Variants in COL13A1 observed in about 807,000 individuals in gnomAD.
The protein encoded by COL13A1 is collagen alpha-1(XIII) chain.
In COL13A1, 89 loss-of-function variants were observed where a neutral mutation model predicts 130.9. The observed-to-expected ratio is 0.68, with a 90% CI of 0.57 to 0.81. The LOEUF (loss-of-function observed/expected upper bound fraction) is 0.81. Among genes scored for constraint, COL13A1 ranks in the 30% least tolerant of loss-of-function variants. The probability of loss-of-function intolerance (pLI) is 0.00; values close to 1 mark genes in which losing one functional copy is unlikely to be tolerated. For missense variants in COL13A1, 879 were observed against 934.6 expected, an observed-to-expected ratio of 0.94 and a Z score of 0.78; for synonymous variants, 402 against 341.6, an observed-to-expected ratio of 1.18 and a Z score of -1.95.
At chr10:69,846,657 T>C (rs1327708520) in intron 2 of COL13A1, among the ~76,000 whole-genome samples, 1 of 152,202 alleles carries the variant, frequency 6.6e-6, no homozygotes, top group Non-Finnish European at 1.5e-5. Context: ...CCTAAATTTG[T>C]TAGCACCAGC....
chr10:69,811,545 T>C (rs141248741), intron 1 of COL13A1, among the ~76,000 whole-genome samples: 1 of 152,162 alleles, frequency 6.6e-6, no homozygotes, highest in East Asian at 1.9e-4. Context: ...TTTCCTGGAG[T>C]TGGGGGAAGC....
intron 10 of COL13A1, among the ~76,000 whole-genome samples, chr10:69,892,616 G>A (rs994352582): frequency 5.3e-5 from 8 of 152,200 alleles, no homozygotes; most frequent in South Asian, 4.1e-4. Context: ...GCAGACAGGC[G>A]CCTTAGCTAT....
rs977338593 is a variant in COL13A1, at chr10:69,935,256, TC to T, written c.1729-92del. 6 of 1,089,730 alleles carry T rather than the reference TC, an allele frequency of 5.5e-6. No homozygotes were observed. In the African/African-American group the frequency reaches 9.4e-5, roughly 17 times the overall value. 67.5% of individuals were successfully genotyped at this position (1,089,730 alleles called of 1,614,324 possible). The stretch of plus-strand genomic sequence containing the variant: ...GGCTGACCTCCAGTGGGCAGCCATG[TC>T]CTCCTCTGGCCTTGCAGTCTCCAGC... On this transcript the variant is annotated intron_variant, in intron 31 of 40. Transcript: ENST00000645393.
Position 69,877,697 on chromosome 10 carries a change from TCTCACACACACA to T in COL13A1, c.436-340_436-329del, listed in dbSNP as rs1435540756. On this transcript the variant is annotated intron_variant, in intron 5 of 40. Coordinates refer to ENST00000645393, the MANE Select transcript of COL13A1 (RefSeq NM_001368882.1). ...CTGTCTCTCTCTCTCTCTCTCTCTC[TCTCACACACACA>T]CACACACACACACACACACACACAC... 4.1e-3 allele frequency: 412 copies of T among 99,854 alleles called. 1 individual carries two copies. Among genetic ancestry groups the T allele is most frequent in the African/African-American group, 0.014 (323 of 23,634 alleles). The allele number at this position is 99,854 out of a possible 1,614,324, so 6.2% of individuals were successfully genotyped here. A position where few individuals can be genotyped will look rare whatever the true frequency, so the allele number is the denominator to read the frequency against.
chr10:69,914,175 ACCT>A (rs2063677441), intron 17 of COL13A1, among the ~76,000 whole-genome samples: 1 of 151,650 alleles, frequency 6.6e-6, no homozygotes, highest in South Asian at 2.1e-4. Context: ...AGCAGACACC[ACCT>A]CCTCCCTGCA....
chr10:69,915,782 C>G (rs948203215), intron 17 of COL13A1, among the ~76,000 whole-genome samples: 1 of 152,170 alleles, frequency 6.6e-6, no homozygotes, highest in African/African-American at 2.4e-5. Context: ...TCAACCAAGA[C>G]TCCAAATGAT....
chr10:69,903,379 G>C (rs952801319), intron 15 of COL13A1, among the ~76,000 whole-genome samples: 5 of 152,232 alleles, frequency 3.3e-5, no homozygotes, highest in Admixed American at 1.3e-4. Flanking sequence ...TGCGGGGCCT[G>C]CAGGGTCACT....
chr10:69,807,867 C>T (rs1841983434), intron 1 of COL13A1, among the ~76,000 whole-genome samples: 1 of 152,214 alleles, frequency 6.6e-6, no homozygotes, highest in South Asian at 2.1e-4. Context: ...CCATACATGG[C>T]TTGGGTGTGC....
At chr10:69,825,961 CAGTT>C (rs757607840) in intron 2 of COL13A1, among the ~76,000 whole-genome samples, 3 of 152,162 alleles carry the variant, frequency 2.0e-5, no homozygotes, top group Non-Finnish European at 4.4e-5. Flanking sequence ...GGTCAACCCT[CAGTT>C]AGGAGGGTCA....
intron 34 of COL13A1, among the ~76,000 whole-genome samples, chr10:69,938,599 T>A (rs898470109): frequency 2.0e-5 from 3 of 152,146 alleles, no homozygotes; most frequent in Non-Finnish European, 4.4e-5. Context: ...TCAGGCTTCC[T>A]CTGTCCTGGG....
In COL13A1 at chr10:69,925,886, A is replaced by T; in HGVS notation, c.1398+14A>T. The T allele has an allele frequency of 6.3e-7, 1 of 1,579,196 alleles. No homozygotes were observed. Among genetic ancestry groups the T allele is most frequent in the Non-Finnish European group, 8.6e-7 (1 of 1,161,146 alleles). ...GAGGCTCTCCAGGTGAGCAGGGTCC[A>T]GCCCAGAGGCCAAGATCCTCATGGA... On this transcript the variant is annotated intron_variant, in intron 26 of 40. Transcript: ENST00000645393.
At chr10:69,857,899 C>T (rs1427383470) in intron 2 of COL13A1, among the ~76,000 whole-genome samples, 5 of 150,458 alleles carry the variant, frequency 3.3e-5, no homozygotes, top group African/African-American at 7.3e-5. Context: ...AGGCAGATCA[C>T]GAGGTCAGGA....
intron 1 of COL13A1, among the ~76,000 whole-genome samples, chr10:69,818,284 A>T (rs1018593411): frequency 6.6e-6 from 1 of 152,158 alleles, no homozygotes; most frequent in South Asian, 2.1e-4. Flanking sequence ...GATGACCATG[A>T]CATCCTCCAG....
chr10:69,855,408 G>C (rs1440624782), intron 2 of COL13A1, among the ~76,000 whole-genome samples: 1 of 152,058 alleles, frequency 6.6e-6, no homozygotes, highest in Non-Finnish European at 1.5e-5. Flanking sequence ...GAGAGACAGG[G>C]ACAAAAATGA....
At chr10:69,891,731 C>A (rs1399665464) in intron 10 of COL13A1, among the ~76,000 whole-genome samples, 1 of 152,154 alleles carries the variant, frequency 6.6e-6, no homozygotes, top group African/African-American at 2.4e-5. Flanking sequence ...CTTATGCTAC[C>A]GTAAGGCAGC....
intron 7 of COL13A1, among the ~76,000 whole-genome samples, chr10:69,882,611 A>G (rs974595629): frequency 2.6e-5 from 4 of 152,196 alleles, no homozygotes; most frequent in South Asian, 2.1e-4. Context: ...CCAGCTAGTA[A>G]GTTCTGGAGC....
chr10:69,841,101 A>C (rs1224659576), intron 2 of COL13A1, among the ~76,000 whole-genome samples: 4 of 134,818 alleles, frequency 3.0e-5, no homozygotes, highest in Non-Finnish European at 4.6e-5. Context: ...TCCCTGCAGC[A>C]CAGCCAGCCT....
At chr10:69,952,819 C>A in intron 38 of COL13A1, 63 bp from the exon 39 acceptor site, 1 of 1,151,382 alleles carries the variant, frequency 8.7e-7, no homozygotes, top group Non-Finnish European at 1.2e-6. Context: ...TGTCTTCAAC[C>A]TTAACACATG....
chr10:69,896,825 G>A (rs1273963991), intron 13 of COL13A1, among the ~76,000 whole-genome samples: 3 of 152,258 alleles, frequency 2.0e-5, no homozygotes, highest in Non-Finnish European at 4.4e-5. Flanking sequence ...TCAGCGGCAT[G>A]TGCTCCAGGG....
Sources: allele counts gnomAD v4.1 joint callset (sites outside exome capture counted in the v4.1 genomes callset), GRCh38; gene constraint gnomAD v4.1.1; transcripts MANE v1.5; gene names NCBI Gene and HGNC (gene_info 2026-07-23, HGNC 2026-07-21).